Variants in BST1 observed in about 807,000 individuals in gnomAD.
BST1 encodes ADP-ribosyl cyclase/cyclic ADP-ribose hydrolase 2.
In BST1, 49 loss-of-function variants were observed where a neutral mutation model predicts 40.6. The observed-to-expected ratio is 1.21, with a 90% CI of 0.96 to 1.53. BST1 has a LOEUF of 1.53. Among genes scored for constraint, BST1 ranks in the 40% most tolerant of loss-of-function variants. The pLI is 0.00. For missense variants in BST1, 423 were observed against 395.9 expected (o/e 1.07, Z -0.58); for synonymous variants, 157 against 159.3 (o/e 0.99, Z 0.11).
the BST1 span, among the ~76,000 whole-genome samples, chr4:15,749,490 G>C: frequency 6.6e-6 from 1 of 152,092 alleles, no homozygotes; most frequent in African/African-American, 2.4e-5. Flanking sequence ...CTACAGATCT[G>C]CTTTCATGGA....
the BST1 span, among the ~76,000 whole-genome samples, chr4:15,762,323 C>T: frequency 3.3e-5 from 5 of 150,396 alleles, no homozygotes; most frequent in African/African-American, 1.2e-4. Context: ...TATACACACA[C>T]ACATAAGTAG....
In BST1 at chr4:15,707,621, C is replaced by G; in HGVS notation, c.426C>G (p.Ser142Arg). The G allele has an allele frequency of 1.2e-6, 2 of 1,614,048 alleles. No individual in the cohort carries two copies. Among genetic ancestry groups the G allele is most frequent in the East Asian group, 2.2e-5 (1 of 44,876 alleles). ...ATGGCAGGGTTGCAGATTTCTTGAG[C>G]TGGTGTCGACAGAAAAATGACTCTG... Reference protein sequence around the residue: ...VLYGRVADFLSWCRQKNDSGL... With the variant: ...VLYGRVADFLRWCRQKNDSGL... Residue 142 changes from serine to arginine, a missense_variant, in exon 3 of 9, where the codon AGC (serine) becomes AGG (arginine). Coordinates refer to ENST00000265016, the MANE Select transcript of BST1 (RefSeq NM_004334.3).
chr4:15,726,569 A>G (rs1256356665), intron 8 of BST1, among the ~76,000 whole-genome samples: 2 of 152,230 alleles, frequency 1.3e-5, no homozygotes, highest in African/African-American at 4.8e-5. Context: ...AGTTGTTGCA[A>G]AGATTAGTGG....
chr4:15,767,466 G>A, the BST1 span, among the ~76,000 whole-genome samples: 1 of 152,056 alleles, frequency 6.6e-6, no homozygotes, highest in Non-Finnish European at 1.5e-5. Context: ...GCCACACCCA[G>A]CTAATTTTTT....
chr4:15,706,122 A>G (rs576235551), intron 2 of BST1, among the ~76,000 whole-genome samples: 2 of 152,284 alleles, frequency 1.3e-5, no homozygotes, highest in Admixed American at 6.5e-5. Context: ...ATCACCTCAC[A>G]CCAGGCCCCA....
At chr4:15,712,632 C>T (rs116158357) in intron 4 of BST1, among the ~76,000 whole-genome samples, 1,681 of 152,274 alleles carry the variant, frequency 0.011, 11 homozygotes, top group Non-Finnish European at 0.018. Context: ...CATCTTCTAC[C>T]CTAGATCCTC....
At chr4:15,706,322 C>T (rs2148877444) in intron 2 of BST1, among the ~76,000 whole-genome samples, 1 of 152,342 alleles carries the variant, frequency 6.6e-6, no homozygotes, top group East Asian at 1.9e-4. Flanking sequence ...CCACATCTGG[C>T]CAGTTCTAAA....
the BST1 span, among the ~76,000 whole-genome samples, chr4:15,767,788 T>A: frequency 1.3e-5 from 2 of 151,998 alleles, no homozygotes; most frequent in African/African-American, 4.8e-5. Flanking sequence ...TTTTTAATTT[T>A]TTTTTTATTT....
At chr4:15,762,888 T>C in the BST1 span, among the ~76,000 whole-genome samples, 1 of 152,042 alleles carries the variant, frequency 6.6e-6, no homozygotes, top group African/African-American at 2.4e-5. Context: ...TTTCCTTCTT[T>C]TTTATGGCTG....
downstream of BST1, among the ~76,000 whole-genome samples, chr4:15,740,311 G>A (rs776408641): frequency 6.6e-6 from 1 of 152,154 alleles, no homozygotes; most frequent in Non-Finnish European, 1.5e-5. Flanking sequence ...CCCGCCTTGG[G>A]TTCCCAAAGT....
chr4:15,723,924 A>G (rs1252742101), intron 8 of BST1, among the ~76,000 whole-genome samples: 3 of 152,228 alleles, frequency 2.0e-5, no homozygotes, highest in Admixed American at 2.0e-4. Flanking sequence ...TCTTAGGGGT[A>G]AAACATAGTG....
At chr4:15,725,732 T>A (rs1721059004) in intron 8 of BST1, among the ~76,000 whole-genome samples, 1 of 152,176 alleles carries the variant, frequency 6.6e-6, no homozygotes, top group South Asian at 2.1e-4. Context: ...TTGGCAGTAG[T>A]AAGCACTCTG....
chr4:15,771,623 T>C, the BST1 span, among the ~76,000 whole-genome samples: 2 of 152,220 alleles, frequency 1.3e-5, no homozygotes, highest in Non-Finnish European at 2.9e-5. Context: ...AAACTGTAAC[T>C]GTGTGAGTGT....
chr4:15,759,338 A>G, the BST1 span, among the ~76,000 whole-genome samples: 2 of 152,002 alleles, frequency 1.3e-5, no homozygotes, highest in South Asian at 4.1e-4. Context: ...TGTATTCACC[A>G]CACTCAAGTT....
chr4:15,723,221 G>A (rs1008479892), intron 8 of BST1, among the ~76,000 whole-genome samples: 1 of 152,166 alleles, frequency 6.6e-6, no homozygotes, highest in Non-Finnish European at 1.5e-5. Flanking sequence ...TGGCTGTAGA[G>A]CAATCTGTAG....
At chr4:15,749,009 T>C in the BST1 span, among the ~76,000 whole-genome samples, 1 of 152,096 alleles carries the variant, frequency 6.6e-6, no homozygotes, top group Non-Finnish European at 1.5e-5. Context: ...ACCAAGCAAG[T>C]TGTCACTGAG....
intron 1 of BST1, among the ~76,000 whole-genome samples, chr4:15,704,526 T>C (rs1292175215): frequency 1.3e-5 from 2 of 148,804 alleles, no homozygotes; most frequent in Non-Finnish European, 3.0e-5. Context: ...GTGTGTGTGG[T>C]CTATAGGTGA....
downstream of BST1, chr4:15,735,966 GGAA>G: frequency 5.3e-6 from 4 of 750,962 alleles, no homozygotes; most frequent in Non-Finnish European, 7.6e-6. Context: ...AGAAAAATTA[GGAA>G]GAAGGCAAAT....
chr4:15,711,203 GA>G (rs370866032), intron 3 of BST1, among the ~76,000 whole-genome samples: 179 of 152,280 alleles, frequency 1.2e-3, no homozygotes, highest in African/African-American at 4.2e-3. Context: ...TTGTAGATTA[GA>G]AATTTTTTTT....
Sources: gnomAD v4.1 joint callset for allele counts (sites outside exome capture counted in the v4.1 genomes callset) on GRCh38, gnomAD v4.1.1 for gene constraint, MANE v1.5 for transcripts, NCBI Gene and HGNC (gene_info 2026-07-23, HGNC 2026-07-21) for gene names.